PHACTR1: variants seen among roughly 807,000 people sequenced by gnomAD.
PHACTR1 encodes RPEL repeat containing 1.
A neutral mutation model predicts 69.2 loss-of-function variants in PHACTR1; 16 were observed. The observed-to-expected ratio is 0.23, with a 90% CI of 0.16 to 0.35. The LOEUF (loss-of-function observed/expected upper bound fraction) is 0.35, where lower values mean the gene tolerates loss of function less well. Ranked by LOEUF, PHACTR1 falls within the 10% of genes least tolerant of loss-of-function variation. The pLI is 1.00. For missense variants in PHACTR1, 510 were observed against 734.7 expected, an observed-to-expected ratio of 0.69 and a Z score of 3.54; for synonymous variants, 312 against 284.5, an observed-to-expected ratio of 1.10 and a Z score of -0.97.
intron 4 of PHACTR1, among the ~76,000 whole-genome samples, chr6:13,025,224 T>C (rs4132046): frequency 0.49 from 74,620 of 151,944 alleles, 20,556 homozygotes; most frequent in East Asian, 0.83. Flanking sequence ...CACTACACTC[T>C]AGCCTGGGTG....
At chr6:13,167,261 G>A (rs190864562) in intron 6 of PHACTR1, among the ~76,000 whole-genome samples, 24 of 152,324 alleles carry the variant, frequency 1.6e-4, no homozygotes, top group African/African-American at 5.8e-4. Context: ...TAAACATGAT[G>A]CTGTATTTGT....
At chr6:13,177,307 T>A (rs919691091) in intron 6 of PHACTR1, among the ~76,000 whole-genome samples, 4 of 150,562 alleles carry the variant, frequency 2.7e-5, no homozygotes, top group African/African-American at 9.8e-5. Flanking sequence ...GCCTGGGTGA[T>A]GGAGCAACAC....
intron 5 of PHACTR1, among the ~76,000 whole-genome samples, chr6:13,156,964 T>C (rs145092114): frequency 1.3e-5 from 2 of 152,338 alleles, no homozygotes; most frequent in East Asian, 3.9e-4. Flanking sequence ...CACCTAGTCA[T>C]TGGCCTCTTT....
At chr6:13,116,088 A>C (rs540609095) in intron 5 of PHACTR1, among the ~76,000 whole-genome samples, 4 of 152,306 alleles carry the variant, frequency 2.6e-5, no homozygotes, top group Non-Finnish European at 5.9e-5. Context: ...TACTGGAACT[A>C]TCTGGTTTTT....
intron 4 of PHACTR1, among the ~76,000 whole-genome samples, chr6:12,916,540 G>GT (rs10586172): frequency 0.023 from 3,088 of 133,432 alleles, 67 homozygotes; most frequent in African/African-American, 0.058. Flanking sequence ...GGCATGGACT[G>GT]TTTTTTTTTT....
intron 8 of PHACTR1, among the ~76,000 whole-genome samples, chr6:13,213,495 T>C (rs1767194805): frequency 6.6e-6 from 1 of 152,220 alleles, no homozygotes; most frequent in Non-Finnish European, 1.5e-5. Flanking sequence ...TCTCTGTATA[T>C]TCTCTCTTTA....
intron 4 of PHACTR1, among the ~76,000 whole-genome samples, chr6:12,827,321 A>G (rs2127720889): frequency 6.6e-6 from 1 of 152,326 alleles, no homozygotes. Flanking sequence ...CATTGCAAAA[A>G]TGATGAAAGC....
chr6:12,957,519 C>T (rs1253106296), intron 4 of PHACTR1: 8 of 985,322 alleles, frequency 8.1e-6, no homozygotes, highest in Admixed American at 6.2e-5. Context: ...GCCAGCTGGG[C>T]TTCTAAGGAC....
intron 4 of PHACTR1, among the ~76,000 whole-genome samples, chr6:13,050,245 T>C (rs537778458): frequency 6.6e-6 from 1 of 152,368 alleles, no homozygotes; most frequent in South Asian, 2.1e-4. Context: ...TTTCTTTTTT[T>C]ATTCCTTGTC....
Position 13,221,615 on chromosome 6 carries a change from T to TA in PHACTR1, c.987-6197dup, listed in dbSNP as rs1417683419. 3.9e-5 allele frequency among the ~76,000 whole-genome samples: 6 copies of TA among 152,338 alleles called. No individual in the cohort carries two copies. The East Asian group carries it at 1.2e-3, about 29-fold the overall frequency. On this transcript the variant is annotated intron_variant, in intron 8 of 14. Transcript: ENST00000332995. Reference sequence around the variant, plus strand: ...CCACGTGCCTTTGCATTTTCCCATCTAAAACGGGAAGATCACAATAGTACC... The same window carrying TA: ...CCACGTGCCTTTGCATTTTCCCATCTAAAAACGGGAAGATCACAATAGTACC...
chr6:13,183,658 T>C (rs1477137926), intron 7 of PHACTR1, among the ~76,000 whole-genome samples: 1 of 152,070 alleles, frequency 6.6e-6, no homozygotes, highest in Non-Finnish European at 1.5e-5. Flanking sequence ...AGGAGTCCCT[T>C]ACAGGCTTTC....
chr6:13,060,010 G>A (rs960993431), intron 5 of PHACTR1, among the ~76,000 whole-genome samples: 5 of 152,196 alleles, frequency 3.3e-5, no homozygotes, highest in African/African-American at 1.2e-4. Context: ...TTGTCCCTAA[G>A]ACTAGATAGA....
At chr6:12,779,249 C>T (rs1401092709) in intron 4 of PHACTR1, among the ~76,000 whole-genome samples, 3 of 152,146 alleles carry the variant, frequency 2.0e-5, no homozygotes, top group East Asian at 1.9e-4. Flanking sequence ...GCAGGAGAAT[C>T]GCTTGAACCT....
At chr6:13,027,704 C>G (rs762275288) in intron 4 of PHACTR1, among the ~76,000 whole-genome samples, 3 of 151,600 alleles carry the variant, frequency 2.0e-5, no homozygotes, top group Non-Finnish European at 4.4e-5. Context: ...GAGACAGAGT[C>G]TCACTCTGCC....
At chr6:12,956,845 C>T (rs757429804) in intron 4 of PHACTR1, among the ~76,000 whole-genome samples, 3 of 152,128 alleles carry the variant, frequency 2.0e-5, no homozygotes, top group Non-Finnish European at 2.9e-5. Context: ...CGCCTTATCC[C>T]ACCTACAGAG....
chr6:12,855,573 A>G (rs886896319), intron 4 of PHACTR1, among the ~76,000 whole-genome samples: 2 of 152,214 alleles, frequency 1.3e-5, no homozygotes. Flanking sequence ...GTTCTCATTT[A>G]TAAGTGGGAG....
At chr6:12,993,363 A>G (rs952627154) in intron 4 of PHACTR1, among the ~76,000 whole-genome samples, 2 of 152,190 alleles carry the variant, frequency 1.3e-5, no homozygotes, top group Non-Finnish European at 2.9e-5. Flanking sequence ...CTTGCCTTTG[A>G]AATACTCATT....
At chr6:12,772,571 C>G (rs564205864) in intron 4 of PHACTR1, among the ~76,000 whole-genome samples, 25 of 152,160 alleles carry the variant, frequency 1.6e-4, no homozygotes, top group Non-Finnish European at 3.7e-4. Context: ...CTGCATTCAT[C>G]TGTTAAGTAA....
chr6:12,945,043 A>G (rs946865187), intron 4 of PHACTR1, among the ~76,000 whole-genome samples: 1 of 151,958 alleles, frequency 6.6e-6, no homozygotes, highest in Non-Finnish European at 1.5e-5. Flanking sequence ...CGGCCTCCCA[A>G]AGTGCTGGGA....
Sources: allele counts gnomAD v4.1 joint callset (sites outside exome capture counted in the v4.1 genomes callset), GRCh38; gene constraint gnomAD v4.1.1; transcripts MANE v1.5; gene names NCBI Gene and HGNC (gene_info 2026-07-23, HGNC 2026-07-21).